The following PIGK variants were observed in gnomAD, a reference collection of about 807,000 sequenced individuals.
PIGK encodes the protein GPI-anchor transamidase.
Under a neutral mutation model 50.6 loss-of-function variants are expected in PIGK, and 42 were observed. That is an observed-to-expected ratio of 0.83 (90% CI 0.65 to 1.07). PIGK has a LOEUF of 1.07. PIGK is among the 50% of genes least tolerant of loss of function. The pLI, the probability that PIGK is intolerant of heterozygous loss-of-function variation, is 0.00. For synonymous variants in PIGK, 151 were observed against 156.0 expected (o/e 0.97, Z 0.24); for missense variants, 448 against 488.7 (o/e 0.92, Z 0.78).
chr1:77,142,173 T>C (rs1267203627), intron 9 of PIGK, among the ~76,000 whole-genome samples: 1 of 152,212 alleles, frequency 6.6e-6, no homozygotes, highest in Admixed American at 6.5e-5. Context: ...CTGGTAAGTA[T>C]GGGAAAGTCA....
intron 3 of PIGK, among the ~76,000 whole-genome samples, chr1:77,188,744 C>A (rs1054641977): frequency 2.6e-5 from 4 of 152,122 alleles, no homozygotes; most frequent in Admixed American, 1.3e-4. Flanking sequence ...CCCCTGGATG[C>A]CCAGCTTTAA....
intron 3 of PIGK, chr1:77,195,432 C>G (rs1172366021): frequency 1.0e-6 from 1 of 986,522 alleles, no homozygotes; most frequent in African/African-American, 1.6e-5. Flanking sequence ...CCTGTTTCCA[C>G]AGGAATCTTT....
chr1:77,140,470 T>A (rs1211624638), intron 9 of PIGK, among the ~76,000 whole-genome samples: 1 of 152,126 alleles, frequency 6.6e-6, no homozygotes, highest in Non-Finnish European at 1.5e-5. Context: ...GATACCCCTA[T>A]GCTTCCTGTA....
intron 10 of PIGK, among the ~76,000 whole-genome samples, chr1:77,117,942 G>C (rs529638787): frequency 3.9e-5 from 6 of 152,162 alleles, no homozygotes; most frequent in African/African-American, 1.2e-4. Flanking sequence ...CTCTCCTCCA[G>C]TAGTATCACT....
intron 10 of PIGK, among the ~76,000 whole-genome samples, chr1:77,121,950 C>T (rs370033933): frequency 1.1e-4 from 16 of 152,240 alleles, no homozygotes; most frequent in African/African-American, 3.9e-4. Flanking sequence ...AGCTCTTTTT[C>T]CTTGTCACTA....
chr1:77,197,122 C>T (rs1656055798), intron 3 of PIGK, among the ~76,000 whole-genome samples: 1 of 152,030 alleles, frequency 6.6e-6, no homozygotes, highest in South Asian at 2.1e-4. Context: ...AATTAGAAAA[C>T]ATGATAGGCT....
intron 9 of PIGK, among the ~76,000 whole-genome samples, chr1:77,130,433 C>T (rs1295788871): frequency 6.6e-6 from 1 of 151,352 alleles, no homozygotes; most frequent in Non-Finnish European, 1.5e-5. Flanking sequence ...TTTGTTTCTC[C>T]ATGGCAAACC....
chr1:77,184,719 C>T (rs114506927), intron 3 of PIGK, among the ~76,000 whole-genome samples: 5,639 of 152,186 alleles, frequency 0.037, 203 homozygotes, highest in South Asian at 0.21. Flanking sequence ...TTCCCCAGTG[C>T]CAGAATGCAA....
chr1:77,114,225 C>T (rs1197837311), intron 10 of PIGK, among the ~76,000 whole-genome samples: 2 of 152,046 alleles, frequency 1.3e-5, no homozygotes, highest in African/African-American at 2.4e-5. Flanking sequence ...GACCCAGAAT[C>T]AAATACTGGC....
intron 1 of PIGK, among the ~76,000 whole-genome samples, chr1:77,212,300 G>A (rs1316774736): frequency 1.3e-5 from 2 of 152,104 alleles, no homozygotes; most frequent in Non-Finnish European, 2.9e-5. Context: ...CTTACTAGGT[G>A]TATAAACAGG....
At chr1:77,169,232 A>G in intron 4 of PIGK, 28 bp downstream of exon 4, 3 of 1,421,274 alleles carry the variant, frequency 2.1e-6, no homozygotes, top group Non-Finnish European at 2.8e-6. Flanking sequence ...ATGCCATTTT[A>G]AAAATGTGGC....
intron 3 of PIGK, chr1:77,195,403 G>C: frequency 3.6e-6 from 4 of 1,107,674 alleles, no homozygotes; most frequent in Non-Finnish European, 5.1e-6. Flanking sequence ...TAAGGAGTGA[G>C]AGCTTAGGGT....
chr1:77,125,920 T>G (rs1273863297), intron 9 of PIGK, among the ~76,000 whole-genome samples: 1 of 152,224 alleles, frequency 6.6e-6, no homozygotes, highest in East Asian at 1.9e-4. Context: ...CTTTCCATTC[T>G]TTACGTCTTT....
intron 1 of PIGK, among the ~76,000 whole-genome samples, chr1:77,212,939 T>G (rs1222286898): frequency 6.6e-6 from 1 of 152,184 alleles, no homozygotes; most frequent in African/African-American, 2.4e-5. Flanking sequence ...TTTATTTTAT[T>G]TTTGAGATGG....
chr1:77,173,268 G>A (rs558423714), intron 3 of PIGK, among the ~76,000 whole-genome samples: 4 of 152,144 alleles, frequency 2.6e-5, no homozygotes, highest in East Asian at 3.9e-4. Context: ...TCTCATCTAC[G>A]GATGCCTACT....
At chr1:77,217,370 G>T (rs1351010613) in intron 1 of PIGK, among the ~76,000 whole-genome samples, 1 of 152,178 alleles carries the variant, frequency 6.6e-6, no homozygotes, top group Non-Finnish European at 1.5e-5. Flanking sequence ...AGACAGAGGG[G>T]AGACAGCTCT....
intron 2 of PIGK, among the ~76,000 whole-genome samples, chr1:77,209,949 GTCT>G (rs1656378796): frequency 6.6e-6 from 1 of 151,994 alleles, no homozygotes; most frequent in Non-Finnish European, 1.5e-5. Context: ...CATTTTCCCT[GTCT>G]TCTTTAATTG....
chr1:77,216,142 T>G lies in PIGK; in HGVS notation c.93+3168A>C, dbSNP rs143865051. On this transcript the variant is annotated intron_variant, in intron 1 of 10. Transcript: ENST00000370812. The stretch of plus-strand genomic sequence containing the variant: ...TGATAAAGTTTTGAGGTGACAGATA[T>G]GCTGATTACTCTGATTTGATCATTT... Among the ~76,000 whole-genome samples, 15 of 152,314 alleles carry G rather than the reference T, an allele frequency of 9.8e-5. 1 individual carries two copies. In the East Asian group the frequency reaches 2.7e-3, roughly 27 times the overall value.
intron 9 of PIGK, among the ~76,000 whole-genome samples, chr1:77,131,126 G>T (rs1033521337): frequency 1.3e-5 from 2 of 151,802 alleles, no homozygotes; most frequent in African/African-American, 4.8e-5. Context: ...CCATAAAGAA[G>T]ATGTACATCT....
Sources: allele counts gnomAD v4.1 joint callset (sites outside exome capture counted in the v4.1 genomes callset), GRCh38; gene constraint gnomAD v4.1.1; transcripts MANE v1.5; gene names NCBI Gene and HGNC (gene_info 2026-07-23, HGNC 2026-07-21).